Variants in CADM2 observed in about 807,000 individuals in gnomAD.
CADM2 encodes immunoglobulin superfamily member 4D.
In CADM2, 12 loss-of-function variants were observed where a neutral mutation model predicts 49.8. The ratio of observed to expected loss-of-function variants is 0.24; its 90% CI spans 0.15 to 0.39. The LOEUF is 0.39. Among genes scored for constraint, CADM2 ranks in the 10% least tolerant of loss-of-function variants. The pLI is 1.00. For synonymous variants in CADM2, 214 were observed against 175.4 expected (o/e 1.22, Z -1.74); for missense variants, 378 against 492.3 (o/e 0.77, Z 2.20).
chr3:86,016,415 A>G (rs1437387345), intron 8 of CADM2, among the ~76,000 whole-genome samples: 1 of 152,182 alleles, frequency 6.6e-6, no homozygotes, highest in Non-Finnish European at 1.5e-5. Flanking sequence ...TGTGCAACAT[A>G]TTTTCTAACT....
At position 85,297,530 on chromosome 3, in the gene CADM2, G is replaced by C. The variant is rs373290056; in HGVS notation, c.61+337862G>C. Among the ~76,000 whole-genome samples, 14 of 152,016 alleles carry C rather than the reference G, an allele frequency of 9.2e-5. No homozygotes were observed. In the East Asian group the frequency reaches 9.7e-4, roughly 11 times the overall value. On this transcript the variant is annotated intron_variant, in intron 1 of 9. Coordinates refer to ENST00000383699, the MANE Select transcript of CADM2 (RefSeq NM_001167675.2). ...GATAGGAAGGATTCAGGAAGAACTG[G>C]ACAGGGTACTGGGGTCTCAGCCAAG...
chr3:85,638,682 A>G (rs1460318559), intron 1 of CADM2, among the ~76,000 whole-genome samples: 2 of 152,056 alleles, frequency 1.3e-5, no homozygotes, highest in East Asian at 3.9e-4. Flanking sequence ...TGACTCTTAA[A>G]ATTTGCTTTA....
At chr3:85,022,723 C>T (rs1256417473) in intron 1 of CADM2, among the ~76,000 whole-genome samples, 1 of 151,874 alleles carries the variant, frequency 6.6e-6, no homozygotes, top group Non-Finnish European at 1.5e-5. Flanking sequence ...ATGCAGAGGC[C>T]ATTTTTTATT....
chr3:85,280,099 A>G (rs2043464626), intron 1 of CADM2, among the ~76,000 whole-genome samples: 1 of 151,666 alleles, frequency 6.6e-6, no homozygotes, highest in Non-Finnish European at 1.5e-5. Flanking sequence ...CATTGCCAAG[A>G]CCAATAATTA....
intron 8 of CADM2, among the ~76,000 whole-genome samples, chr3:86,019,442 G>A (rs1248400389): frequency 1.7e-4 from 25 of 151,164 alleles, no homozygotes; most frequent in Admixed American, 4.0e-4. Flanking sequence ...GATGGGGATG[G>A]CATTGAATCT....
At chr3:85,555,120 A>G (rs1353826261) in intron 1 of CADM2, among the ~76,000 whole-genome samples, 1 of 152,194 alleles carries the variant, frequency 6.6e-6, no homozygotes, top group East Asian at 1.9e-4. Flanking sequence ...TTTTATAAGT[A>G]AAGTAAAATG....
At chr3:86,015,325 A>C (rs748714648) in intron 8 of CADM2, among the ~76,000 whole-genome samples, 3 of 152,154 alleles carry the variant, frequency 2.0e-5, no homozygotes, top group Non-Finnish European at 4.4e-5. Flanking sequence ...GAGAACATTG[A>C]AAGTGCCATG....
At chr3:85,632,447 A>C (rs1319093996) in intron 1 of CADM2, among the ~76,000 whole-genome samples, 1 of 152,164 alleles carries the variant, frequency 6.6e-6, no homozygotes, top group Admixed American at 6.6e-5. Context: ...TATCAGAGTC[A>C]GAATAATGCG....
intron 1 of CADM2, among the ~76,000 whole-genome samples, chr3:85,012,169 T>C (rs1425953562): frequency 6.6e-6 from 1 of 151,636 alleles, no homozygotes; most frequent in African/African-American, 2.4e-5. Context: ...AATGAGCTCA[T>C]GCTCCTCTAT....
chr3:85,388,220 C>T (rs1235384963), intron 1 of CADM2, among the ~76,000 whole-genome samples: 2 of 152,074 alleles, frequency 1.3e-5, no homozygotes, highest in Non-Finnish European at 2.9e-5. Context: ...GAGATGAGGT[C>T]TCACCAAGTT....
intron 3 of CADM2, among the ~76,000 whole-genome samples, chr3:85,880,503 C>G (rs1365556561): frequency 6.6e-6 from 1 of 152,078 alleles, no homozygotes; most frequent in Non-Finnish European, 1.5e-5. Context: ...GGCAAATTAT[C>G]TGTTTCTCTT....
At chr3:85,381,824 T>C (rs932411865) in intron 1 of CADM2, among the ~76,000 whole-genome samples, 8 of 152,048 alleles carry the variant, frequency 5.3e-5, no homozygotes, top group African/African-American at 1.9e-4. Context: ...TCTCTACCTT[T>C]GGCCTTGTGT....
chr3:85,568,467 T>TTTTCTTTCTTTCTTTCTCTTTC lies in CADM2; in HGVS notation c.62-158054_62-158053insTTCTTTCTTTCTTTCTCTTTCT, dbSNP rs1559916046. 6.4e-3 allele frequency among the ~76,000 whole-genome samples: 157 copies of TTTTCTTTCTTTCTTTCTCTTTC among 24,490 alleles called. 20 individuals are homozygous for TTTTCTTTCTTTCTTTCTCTTTC. Among genetic ancestry groups the TTTTCTTTCTTTCTTTCTCTTTC allele is most frequent in the African/African-American group, 0.019 (155 of 8,178 alleles). 16.1% of individuals were successfully genotyped at this position (24,490 alleles called of 152,430 possible). ...TCTTTCTTTCTTTCTTTCTTTCTCT[T>TTTTCTTTCTTTCTTTCTCTTTC]TCTCTCTCTTTCTTTCTTTCTTTCT... is the stretch of plus-strand genomic sequence containing the variant. On this transcript the variant is annotated intron_variant, in intron 1 of 9. Coordinates refer to ENST00000383699, the MANE Select transcript of CADM2 (RefSeq NM_001167675.2).
intron 2 of CADM2, among the ~76,000 whole-genome samples, chr3:85,784,699 T>A (rs1041220688): frequency 1.3e-5 from 2 of 152,118 alleles, no homozygotes; most frequent in African/African-American, 4.8e-5. Context: ...TAATCCGATA[T>A]GGATTTTTGC....
chr3:85,628,634 TA>T (rs2064204594), intron 1 of CADM2, among the ~76,000 whole-genome samples: 1 of 148,098 alleles, frequency 6.8e-6, no homozygotes, highest in Non-Finnish European at 1.5e-5. Context: ...TATACGCATA[TA>T]TACATATATA....
At chr3:85,994,266 T>C (rs1198987141) in intron 8 of CADM2, 2 of 152,238 alleles carry the variant, frequency 1.3e-5, no homozygotes, top group Non-Finnish European at 1.5e-5. Flanking sequence ...TTAAGCCTTA[T>C]GAACCAACCT....
At chr3:84,972,741 A>G (rs1160572802) in intron 1 of CADM2, among the ~76,000 whole-genome samples, 1 of 152,160 alleles carries the variant, frequency 6.6e-6, no homozygotes, top group Non-Finnish European at 1.5e-5. Flanking sequence ...TCGTTGATTC[A>G]TTTATCAACA....
intron 3 of CADM2, among the ~76,000 whole-genome samples, chr3:85,809,980 T>C (rs2072748096): frequency 6.6e-6 from 1 of 151,938 alleles, no homozygotes; most frequent in South Asian, 2.1e-4. Context: ...CCCTTAGGAA[T>C]TAAATGGTAC....
At chr3:85,614,120 G>T (rs2063741916) in intron 1 of CADM2, among the ~76,000 whole-genome samples, 1 of 151,560 alleles carries the variant, frequency 6.6e-6, no homozygotes, top group Non-Finnish European at 1.5e-5. Flanking sequence ...ACAATAAAAA[G>T]ATTAGTAAAT....
Sources: allele counts gnomAD v4.1 joint callset (sites outside exome capture counted in the v4.1 genomes callset), GRCh38; gene constraint gnomAD v4.1.1; transcripts MANE v1.5; gene names NCBI Gene and HGNC (gene_info 2026-07-23, HGNC 2026-07-21).